Variants in AFF3 observed in about 807,000 individuals in gnomAD.
The protein encoded by AFF3 is ALF transcription elongation factor 3.
In AFF3, 32 loss-of-function variants were observed where a neutral mutation model predicts 129.7. The ratio of observed to expected loss-of-function variants is 0.25; its 90% CI spans 0.19 to 0.33. AFF3 has a LOEUF of 0.33. AFF3 is among the 10% of genes least tolerant of loss of function. The pLI, the probability that AFF3 is intolerant of heterozygous loss-of-function variation, is 1.00. For missense variants in AFF3, 1,373 were observed against 1,592.0 expected (o/e 0.86, Z 2.34); for synonymous variants, 644 against 635.4 (o/e 1.01, Z -0.20).
At chr2:99,802,535 C>T (rs138020739) in intron 8 of AFF3, among the ~76,000 whole-genome samples, 1,670 of 152,080 alleles carry the variant, frequency 0.011, 25 homozygotes, top group African/African-American at 0.038. Flanking sequence ...CAGTGGTGTG[C>T]GCCTGTAGTC....
intron 1 of AFF3, among the ~76,000 whole-genome samples, chr2:100,133,589 T>G (rs1212456798): frequency 6.6e-6 from 1 of 152,124 alleles, no homozygotes; most frequent in African/African-American, 2.4e-5. Context: ...TACAGGCACA[T>G]GCCACTGTGC....
intron 4 of AFF3, among the ~76,000 whole-genome samples, chr2:100,018,012 A>ACGTGTG (rs1683273663): frequency 6.8e-6 from 1 of 148,102 alleles, no homozygotes; most frequent in African/African-American, 2.5e-5. Flanking sequence ...CTTGGTTGAT[A>ACGTGTG]TGTGTGTGTG....
intron 12 of AFF3, among the ~76,000 whole-genome samples, chr2:99,651,633 G>T (rs1289263561): frequency 2.0e-5 from 3 of 152,072 alleles, no homozygotes; most frequent in Admixed American, 2.0e-4. Context: ...GTAGAGACAG[G>T]GTCTCATCAT....
chr2:99,850,638 C>T (rs1349956457), intron 7 of AFF3, among the ~76,000 whole-genome samples: 1 of 152,234 alleles, frequency 6.6e-6, no homozygotes, highest in Non-Finnish European at 1.5e-5. Context: ...TTAACCTACA[C>T]TTCTAAAATG....
At chr2:99,894,805 A>G (rs1341683218) in intron 7 of AFF3, among the ~76,000 whole-genome samples, 2 of 152,218 alleles carry the variant, frequency 1.3e-5, no homozygotes, top group Admixed American at 1.3e-4. Flanking sequence ...CTTAAATTAC[A>G]TAATACATAG....
chr2:99,624,674 G>T (rs1295475704), intron 13 of AFF3, among the ~76,000 whole-genome samples: 2 of 152,156 alleles, frequency 1.3e-5, no homozygotes, highest in Non-Finnish European at 2.9e-5. Flanking sequence ...CGTGCACATA[G>T]GTCAGGAATT....
intron 12 of AFF3, among the ~76,000 whole-genome samples, chr2:99,651,756 A>G (rs1685279709): frequency 6.6e-6 from 1 of 151,902 alleles, no homozygotes; most frequent in South Asian, 2.1e-4. Context: ...TTTACTGTTG[A>G]CCAAGGACCT....
At chr2:99,926,222 G>A (rs1215008171) in intron 7 of AFF3, among the ~76,000 whole-genome samples, 1 of 152,230 alleles carries the variant, frequency 6.6e-6, no homozygotes, top group Non-Finnish European at 1.5e-5. Flanking sequence ...GAGAGAGCTA[G>A]TGAGACTGCA....
intron 8 of AFF3, among the ~76,000 whole-genome samples, chr2:99,817,172 T>C (rs1307383353): frequency 3.9e-5 from 6 of 152,182 alleles, no homozygotes; most frequent in Admixed American, 3.9e-4. Context: ...CAGGAAAGGC[T>C]TCTCGAGATT....
intron 7 of AFF3, among the ~76,000 whole-genome samples, chr2:99,901,082 G>A (rs1350393758): frequency 1.3e-5 from 2 of 152,240 alleles, no homozygotes; most frequent in African/African-American, 4.8e-5. Flanking sequence ...ATGCATGTGT[G>A]TGCATGCATG....
At chr2:100,020,454 C>T (rs1683494613) in intron 4 of AFF3, among the ~76,000 whole-genome samples, 1 of 152,088 alleles carries the variant, frequency 6.6e-6, no homozygotes, top group South Asian at 2.1e-4. Flanking sequence ...TCAAATCTCT[C>T]TTCTCAGCTA....
chr2:100,029,150 A>T (rs1307543554), intron 4 of AFF3, among the ~76,000 whole-genome samples: 1 of 152,210 alleles, frequency 6.6e-6, no homozygotes, highest in Non-Finnish European at 1.5e-5. Context: ...CTCAAAAGCC[A>T]TATGTTGAAG....
At chr2:99,886,408 G>A (rs1693114101) in intron 7 of AFF3, among the ~76,000 whole-genome samples, 4 of 146,550 alleles carry the variant, frequency 2.7e-5, no homozygotes, top group African/African-American at 7.5e-5. Flanking sequence ...ATACTCACTC[G>A]AGTCATTACA....
intron 8 of AFF3, among the ~76,000 whole-genome samples, chr2:99,769,686 A>G (rs1683309732): frequency 1.3e-5 from 2 of 152,160 alleles, no homozygotes; most frequent in Non-Finnish European, 2.9e-5. Flanking sequence ...TGTGACTGAC[A>G]CTGTATCTGC....
intron 7 of AFF3, among the ~76,000 whole-genome samples, chr2:99,839,617 C>CT (rs147484099): frequency 0.16 from 23,567 of 143,418 alleles, 2,043 homozygotes; most frequent in Admixed American, 0.24. Flanking sequence ...TTCTTTCTTT[C>CT]TTTTTTTTTT....
At chr2:99,922,975 A>G (rs185843495) in intron 7 of AFF3, among the ~76,000 whole-genome samples, 179 of 152,314 alleles carry the variant, frequency 1.2e-3, no homozygotes, top group African/African-American at 4.0e-3. Flanking sequence ...ATTCATGCTT[A>G]TGCCATTCGT....
intron 4 of AFF3, among the ~76,000 whole-genome samples, chr2:100,021,166 A>C (rs1573148356): frequency 2.6e-5 from 4 of 151,896 alleles, no homozygotes; most frequent in Admixed American, 2.6e-4. Flanking sequence ...CGTACGTAGA[A>C]CCCTCCACTC....
chr2:99,872,620 A>AAAATG (rs1691963421), intron 7 of AFF3, among the ~76,000 whole-genome samples: 1 of 151,198 alleles, frequency 6.6e-6, no homozygotes, highest in Admixed American at 6.6e-5. Flanking sequence ...AAAATAAAAT[A>AAAATG]AAATAAAATA....
At chr2:99,729,465 C>G (rs1480208897) in intron 10 of AFF3, among the ~76,000 whole-genome samples, 1 of 152,108 alleles carries the variant, frequency 6.6e-6, no homozygotes, top group Non-Finnish European at 1.5e-5. Flanking sequence ...TCAGCAAATT[C>G]AGTGCTGATA....
Sources: allele counts gnomAD v4.1 joint callset (sites outside exome capture counted in the v4.1 genomes callset), GRCh38; gene constraint gnomAD v4.1.1; transcripts MANE v1.5; gene names NCBI Gene and HGNC (gene_info 2026-07-23, HGNC 2026-07-21).